The following RPS6KC1 variants were observed in gnomAD, a reference collection of about 807,000 sequenced individuals.
The protein encoded by RPS6KC1 is ribosomal protein S6 kinase C1.
In RPS6KC1, 54 loss-of-function variants were observed where a neutral mutation model predicts 103.8. The ratio of observed to expected loss-of-function variants is 0.52; its 90% CI spans 0.42 to 0.65. The LOEUF (loss-of-function observed/expected upper bound fraction) is 0.65. Among genes scored for constraint, RPS6KC1 ranks in the 30% least tolerant of loss-of-function variants. RPS6KC1 has a pLI of 0.00. For synonymous variants in RPS6KC1, 439 were observed against 438.7 expected, an observed-to-expected ratio of 1.00 and a Z score of -0.01; for missense variants, 1,151 against 1,253.8, an observed-to-expected ratio of 0.92 and a Z score of 1.24.
At chr1:213,631,581 A>G in the RPS6KC1 span, among the ~76,000 whole-genome samples, 7 of 152,130 alleles carry the variant, frequency 4.6e-5, no homozygotes, top group Non-Finnish European at 1.0e-4. Context: ...TACAAAAATT[A>G]TAATCACTGG....
chr1:213,402,996 C>T, the RPS6KC1 span, among the ~76,000 whole-genome samples: 1 of 146,446 alleles, frequency 6.8e-6, no homozygotes, highest in South Asian at 2.2e-4. Context: ...GGCATGGTGG[C>T]AGGTGCCTGT....
intron 3 of RPS6KC1, among the ~76,000 whole-genome samples, chr1:213,078,403 A>G (rs1244942133): frequency 6.6e-6 from 1 of 152,070 alleles, no homozygotes; most frequent in Non-Finnish European, 1.5e-5. Flanking sequence ...ATGTTCTTAT[A>G]TGGACAGAAT....
the RPS6KC1 span, among the ~76,000 whole-genome samples, chr1:213,336,871 G>T: frequency 6.6e-6 from 1 of 152,034 alleles, no homozygotes; most frequent in Non-Finnish European, 1.5e-5. Context: ...ACAACTCTAG[G>T]GGGTACCATT....
chr1:213,105,201 A>G (rs988184820), intron 4 of RPS6KC1, among the ~76,000 whole-genome samples: 1 of 149,718 alleles, frequency 6.7e-6, no homozygotes, highest in Non-Finnish European at 1.5e-5. Flanking sequence ...TAGATATGTA[A>G]TGCTTTCATT....
At chr1:213,467,220 A>T in the RPS6KC1 span, among the ~76,000 whole-genome samples, 1 of 152,208 alleles carries the variant, frequency 6.6e-6, no homozygotes, top group Non-Finnish European at 1.5e-5. Context: ...AAATTATACC[A>T]ACTGAATTGG....
At chr1:213,621,335 T>C in the RPS6KC1 span, among the ~76,000 whole-genome samples, 62 of 149,328 alleles carry the variant, frequency 4.2e-4, no homozygotes, top group African/African-American at 1.4e-3. Flanking sequence ...CCACGCCAAG[T>C]ATTCTTGAGG....
intron 5 of RPS6KC1, among the ~76,000 whole-genome samples, chr1:213,118,712 T>C (rs1209543388): frequency 6.6e-6 from 1 of 152,138 alleles, no homozygotes; most frequent in Non-Finnish European, 1.5e-5. Context: ...TTCATTGTAC[T>C]TTCCATTGAC....
At position 213,167,961 on chromosome 1, in the gene RPS6KC1, T is replaced by C; in HGVS notation, c.939T>C (p.Asp313=). The C allele has an allele frequency of 6.2e-7, 1 of 1,608,300 alleles. No homozygotes were observed. The highest frequency in any genetic ancestry group is 8.5e-7 in the Non-Finnish European group (1 of 1,174,942). ...GTCTTTATGGGAAACCTCAGCTTGA[T>C]GATGTATCTCAGGTATGTCTCATAT... The part of the protein sequence containing the change: ...ISSLYGKPQL[D]DVSQPPGSLS... The change falls in exon 7 of 15, where the codon GAT becomes GAC. Residue 313 remains aspartate, a synonymous_variant. Coordinates refer to ENST00000366960, the MANE Select transcript of RPS6KC1 (RefSeq NM_012424.6).
chr1:213,100,798 G>A (rs1449413633), intron 3 of RPS6KC1, among the ~76,000 whole-genome samples: 2 of 152,154 alleles, frequency 1.3e-5, no homozygotes, highest in African/African-American at 4.8e-5. Flanking sequence ...GTATTCCATG[G>A]TGTATATGTA....
chr1:213,600,630 C>T, the RPS6KC1 span, among the ~76,000 whole-genome samples: 2 of 152,160 alleles, frequency 1.3e-5, no homozygotes, highest in Non-Finnish European at 2.9e-5. Context: ...AGCTGGAGCT[C>T]TCTCCTGTCT....
the RPS6KC1 span, among the ~76,000 whole-genome samples, chr1:213,649,531 G>C: frequency 6.6e-6 from 1 of 151,998 alleles, no homozygotes; most frequent in African/African-American, 2.4e-5. Flanking sequence ...TTTCTCCCTT[G>C]CCTACCTGGC....
chr1:213,540,294 G>A, the RPS6KC1 span, among the ~76,000 whole-genome samples: 1 of 152,144 alleles, frequency 6.6e-6, no homozygotes, highest in African/African-American at 2.4e-5. Flanking sequence ...CTTTTAAAAA[G>A]TTTTTTAGAA....
intron 3 of RPS6KC1, among the ~76,000 whole-genome samples, chr1:213,100,898 G>C (rs2081966961): frequency 6.6e-6 from 1 of 152,160 alleles, no homozygotes; most frequent in Non-Finnish European, 1.5e-5. Flanking sequence ...ATAAACATGA[G>C]AGTGTAGGTG....
At chr1:213,602,070 CTT>C in the RPS6KC1 span, among the ~76,000 whole-genome samples, 160 of 53,186 alleles carry the variant, frequency 3.0e-3, 23 homozygotes, top group African/African-American at 0.014. Flanking sequence ...TTCTTTCTTT[CTT>C]TCTTTCTCTT....
chr1:213,160,128 T>C (rs1029758149), intron 6 of RPS6KC1, among the ~76,000 whole-genome samples: 2 of 152,206 alleles, frequency 1.3e-5, no homozygotes, highest in Non-Finnish European at 2.9e-5. Context: ...TTATGAAGTA[T>C]TAAAACTGTA....
chr1:213,189,413 C>T (rs946873807), intron 8 of RPS6KC1, among the ~76,000 whole-genome samples: 8 of 145,902 alleles, frequency 5.5e-5, no homozygotes, highest in African/African-American at 2.0e-4. Context: ...CATGCCAGTG[C>T]GCTCCAGCCT....
the RPS6KC1 span, among the ~76,000 whole-genome samples, chr1:213,544,535 G>A: frequency 4.6e-5 from 7 of 152,258 alleles, 1 homozygote; most frequent in Admixed American, 1.3e-4. Context: ...TCATCCTTCC[G>A]TGGCCCCTCT....
At chr1:213,318,573 A>C in the RPS6KC1 span, among the ~76,000 whole-genome samples, 13 of 152,246 alleles carry the variant, frequency 8.5e-5, no homozygotes, top group African/African-American at 3.1e-4. Context: ...GCTAATAAAC[A>C]CATACCCAGG....
intron 10 of RPS6KC1, among the ~76,000 whole-genome samples, chr1:213,238,006 T>C (rs534016203): frequency 7.9e-5 from 12 of 152,262 alleles, no homozygotes; most frequent in Admixed American, 3.3e-4. Flanking sequence ...TCAAAAAATT[T>C]GTACAGATGT....
Sources: allele counts gnomAD v4.1 joint callset (sites outside exome capture counted in the v4.1 genomes callset), GRCh38; gene constraint gnomAD v4.1.1; transcripts MANE v1.5; gene names NCBI Gene and HGNC (gene_info 2026-07-23, HGNC 2026-07-21).